The following NTNG1 variants were observed in gnomAD, a reference collection of about 807,000 sequenced individuals.
NTNG1 encodes netrin-G1.
NTNG1 carries 16 observed loss-of-function variants against 54.0 expected under a neutral mutation model. The observed-to-expected ratio is 0.30, with a 90% CI of 0.20 to 0.45. The LOEUF (loss-of-function observed/expected upper bound fraction) is 0.45, where lower values mean the gene tolerates loss of function less well. Ranked by LOEUF, NTNG1 falls within the 20% of genes least tolerant of loss-of-function variation. NTNG1 has a pLI of 1.00. For synonymous variants in NTNG1, 255 were observed against 263.1 expected, an observed-to-expected ratio of 0.97 and a Z score of 0.30; for missense variants, 530 against 678.7, an observed-to-expected ratio of 0.78 and a Z score of 2.43.
chr1:107,151,511 G>A (rs1255657888), intron 2 of NTNG1, among the ~76,000 whole-genome samples: 1 of 152,134 alleles, frequency 6.6e-6, no homozygotes, highest in Non-Finnish European at 1.5e-5. Context: ...CCACTGCTTA[G>A]CCCCTATATG....
At chr1:107,168,414 T>C (rs1371636160) in intron 2 of NTNG1, among the ~76,000 whole-genome samples, 1 of 152,080 alleles carries the variant, frequency 6.6e-6, no homozygotes, top group Non-Finnish European at 1.5e-5. Context: ...ATCTTATTTG[T>C]TTTTAATATT....
chr1:107,275,453 C>A (rs965094730), intron 2 of NTNG1, among the ~76,000 whole-genome samples: 1 of 152,104 alleles, frequency 6.6e-6, no homozygotes, highest in Non-Finnish European at 1.5e-5. Context: ...ATTACAGAGG[C>A]TGACAAGTCC....
chr1:107,298,299 T>C (rs567520088), intron 2 of NTNG1, among the ~76,000 whole-genome samples: 140 of 152,094 alleles, frequency 9.2e-4, no homozygotes, highest in Non-Finnish European at 1.8e-3. Context: ...ATTCCATGTC[T>C]CAGAGCAGGA....
intron 1 of NTNG1, among the ~76,000 whole-genome samples, chr1:107,144,345 A>G (rs1374346722): frequency 6.6e-6 from 1 of 152,092 alleles, no homozygotes; most frequent in African/African-American, 2.4e-5. Flanking sequence ...GAATGAGTCA[A>G]TAGTTGTGTA....
chr1:107,297,236 TATATATATATGC>T (rs763003519), intron 2 of NTNG1, among the ~76,000 whole-genome samples: 21,161 of 60,658 alleles, frequency 0.35, 2,478 homozygotes, highest in Non-Finnish European at 0.4. Flanking sequence ...TATATATATA[TATATATATATGC>T]GCACACACAC....
intron 3 of NTNG1, among the ~76,000 whole-genome samples, chr1:107,337,098 A>G (rs1668626554): frequency 1.3e-5 from 2 of 152,002 alleles, no homozygotes; most frequent in African/African-American, 4.8e-5. Context: ...TGATCCAGGA[A>G]TTCCATTCTG....
intron 2 of NTNG1, among the ~76,000 whole-genome samples, chr1:107,187,001 A>G (rs1163665904): frequency 6.6e-6 from 1 of 152,170 alleles, no homozygotes; most frequent in African/African-American, 2.4e-5. Context: ...TATGCAGTAT[A>G]CTGTGTATGA....
At chr1:107,232,436 CT>C (rs1385005349) in intron 2 of NTNG1, among the ~76,000 whole-genome samples, 1 of 152,110 alleles carries the variant, frequency 6.6e-6, no homozygotes, top group East Asian at 1.9e-4. Flanking sequence ...ACAAATATGC[CT>C]TGTGTTCTTT....
intron 3 of NTNG1, among the ~76,000 whole-genome samples, chr1:107,365,541 T>C (rs1670545952): frequency 6.6e-6 from 1 of 152,238 alleles, no homozygotes. Flanking sequence ...TTTTTATATA[T>C]GCAATTTTAC....
chr1:107,450,298 G>A (rs939387022), intron 7 of NTNG1, among the ~76,000 whole-genome samples: 8 of 152,096 alleles, frequency 5.3e-5, no homozygotes, highest in Admixed American at 3.3e-4. Context: ...AATATTTAGT[G>A]TTGAAAAATG....
intron 2 of NTNG1, among the ~76,000 whole-genome samples, chr1:107,231,347 A>T (rs4311919): frequency 0.99 from 151,293 of 152,286 alleles, 75,163 homozygotes; most frequent in East Asian, 1. Context: ...GTTACAGAGG[A>T]CAAGTGAGCA....
At chr1:107,421,422 C>T (rs1006821205) in intron 5 of NTNG1, among the ~76,000 whole-genome samples, 2 of 152,064 alleles carry the variant, frequency 1.3e-5, no homozygotes, top group Middle Eastern at 3.4e-3. Flanking sequence ...GTTTAGAACA[C>T]GAATGTTAGA....
intron 2 of NTNG1, among the ~76,000 whole-genome samples, chr1:107,184,876 G>A (rs182739913): frequency 8.7e-4 from 133 of 152,308 alleles, no homozygotes; most frequent in Admixed American, 2.5e-3. Flanking sequence ...TATTCAGACA[G>A]GGTAAAATAA....
intron 2 of NTNG1, among the ~76,000 whole-genome samples, chr1:107,236,709 T>C (rs1661435470): frequency 6.6e-6 from 1 of 152,206 alleles, no homozygotes; most frequent in Non-Finnish European, 1.5e-5. Flanking sequence ...TGATAGTGAA[T>C]GAGTCTCATG....
At chr1:107,362,576 G>A (rs537356674) in intron 3 of NTNG1, among the ~76,000 whole-genome samples, 4 of 152,290 alleles carry the variant, frequency 2.6e-5, no homozygotes, top group African/African-American at 7.2e-5. Context: ...GTAGTGCAGT[G>A]AAAACACCAT....
chr1:107,388,649 G>T (rs906198537), intron 3 of NTNG1, among the ~76,000 whole-genome samples: 1 of 152,200 alleles, frequency 6.6e-6, no homozygotes, highest in Admixed American at 6.5e-5. Flanking sequence ...TTGTTGATTT[G>T]TTAAGTTACT....
intron 2 of NTNG1, among the ~76,000 whole-genome samples, chr1:107,159,514 A>G (rs17018499): frequency 0.12 from 18,473 of 152,144 alleles, 2,560 homozygotes; most frequent in African/African-American, 0.34. Context: ...CCTCAGTCCT[A>G]TCTTATCCTT....
chr1:107,301,245 C>T (rs1666292893), intron 2 of NTNG1, among the ~76,000 whole-genome samples: 1 of 152,172 alleles, frequency 6.6e-6, no homozygotes, highest in Non-Finnish European at 1.5e-5. Context: ...TAAAAGACTT[C>T]ATATGCTATT....
chr1:107,375,451 C>G (rs1159486968), intron 3 of NTNG1, among the ~76,000 whole-genome samples: 1 of 152,218 alleles, frequency 6.6e-6, no homozygotes, highest in African/African-American at 2.4e-5. Flanking sequence ...GGTCTTGTTA[C>G]TCCAACTTGG....
Sources: allele counts gnomAD v4.1 joint callset (sites outside exome capture counted in the v4.1 genomes callset), GRCh38; gene constraint gnomAD v4.1.1; transcripts MANE v1.5; gene names NCBI Gene and HGNC (gene_info 2026-07-23, HGNC 2026-07-21).